The following ADCY5 variants were observed in gnomAD, a reference collection of about 807,000 sequenced individuals.
ADCY5 encodes the protein adenylate cyclase 5.
ADCY5 carries 30 observed loss-of-function variants against 119.7 expected under a neutral mutation model. The ratio of observed to expected loss-of-function variants is 0.25; its 90% CI spans 0.19 to 0.34. The LOEUF is 0.34. Ranked by LOEUF, ADCY5 falls within the 10% of genes least tolerant of loss-of-function variation. The pLI, the probability that ADCY5 is intolerant of heterozygous loss-of-function variation, is 1.00. For missense variants in ADCY5, 1,324 were observed against 1,775.2 expected (o/e 0.75, Z 4.57); for synonymous variants, 753 against 762.2 (o/e 0.99, Z 0.20).
At position 123,325,429 on chromosome 3, in the gene ADCY5, G is replaced by A. The variant is rs776923185; in HGVS notation, c.1981C>T (p.Arg661Cys). ...EEKAMIAKMN[R>C]QRTNSIGHNP... Reference sequence around the variant, plus strand: ...TGCCCGATGGAGTTGGTTCTCTGGCGGTTCATCTTGGCGATCATGGCCTTC... The same window carrying A: ...TGCCCGATGGAGTTGGTTCTCTGGCAGTTCATCTTGGCGATCATGGCCTTC... The change falls in exon 8 of 21, where the codon CGC (arginine) becomes TGC (cysteine). Residue 661 changes from arginine to cysteine, a missense_variant. Transcript: ENST00000462833. 1.5e-5 allele frequency: 24 copies of A among 1,614,018 alleles called. No homozygotes were observed. In the Admixed American group the frequency reaches 1.8e-4, roughly 12 times the overall value.
chr3:123,431,103 C>T (rs1199529128), intron 1 of ADCY5, among the ~76,000 whole-genome samples: 1 of 152,196 alleles, frequency 6.6e-6, no homozygotes, highest in African/African-American at 2.4e-5. Flanking sequence ...AGAAAAAGTA[C>T]TAGTGCCGGA....
intron 1 of ADCY5, among the ~76,000 whole-genome samples, chr3:123,425,106 G>T (rs1293955826): frequency 1.3e-5 from 1 of 76,984 alleles, no homozygotes; most frequent in Non-Finnish European, 2.6e-5. Context: ...TGCAGAGAGG[G>T]GCCCATCCTG....
rs1938770253 is a variant in ADCY5, at chr3:123,286,465, G to C, written c.3657+220C>G. Among the ~76,000 whole-genome samples the C allele has an allele frequency of 6.6e-6, 1 of 152,206 alleles. No homozygotes were observed. Among genetic ancestry groups the C allele is most frequent in the Admixed American group, 6.5e-5 (1 of 15,292 alleles). On this transcript the variant is annotated intron_variant, in intron 20 of 20. Coordinates refer to ENST00000462833, the MANE Select transcript of ADCY5 (RefSeq NM_183357.3). This position sits in a 1 kb window ranked among gnomAD's most constrained non-coding sequence, Gnocchi z 4.2. ...CCAGTCCCTTCCATGCCCAGTAGAG[G>C]GCTCTGCAGAAGCCTGAAGATCTGT...
intron 12 of ADCY5, among the ~76,000 whole-genome samples, chr3:123,308,831 A>AAACAAACAAAT (rs1553722485): frequency 6.6e-6 from 1 of 151,034 alleles, no homozygotes; most frequent in African/African-American, 2.4e-5. Flanking sequence ...TCTGTCTCAA[A>AAACAAACAAAT]AACAAACAAA....
intron 1 of ADCY5, among the ~76,000 whole-genome samples, chr3:123,392,117 T>A (rs959492796): frequency 4.6e-5 from 7 of 152,242 alleles, no homozygotes; most frequent in Non-Finnish European, 1.0e-4. Flanking sequence ...AAAAATCCAC[T>A]ACTGTTGTGG....
chr3:123,320,751 G>C lies in ADCY5; in HGVS notation c.2109C>G (p.Asp703Glu), dbSNP rs368664857. The change falls in exon 9 of 21, where the codon GAC (aspartate) becomes GAG (glutamate). Residue 703 changes from aspartate (D) to glutamate (E), a missense_variant and splice_region_variant. Coordinates refer to ENST00000462833, the MANE Select transcript of ADCY5 (RefSeq NM_183357.3). ...MKRMGFEDPK[D>E]KNAQESANPE... ...ATAAGGAAGGGCATATTACTCACTT[G>C]TCCTTGGGGTCTTCAAAGCCCTAGA... The C allele has an allele frequency of 1.2e-5, 19 of 1,611,152 alleles. No individual in the cohort carries two copies. Among genetic ancestry groups the C allele is most frequent in the Non-Finnish European group, 1.6e-5 (19 of 1,177,486 alleles).
chr3:123,367,756 C>T, intron 1 of ADCY5: 1 of 1,202,664 alleles, frequency 8.3e-7, no homozygotes, highest in Non-Finnish European at 1.1e-6. Flanking sequence ...CTCGTGCCTT[C>T]CCCCATCCCC....
At chr3:123,335,249 C>T (rs1941964672) in intron 3 of ADCY5, among the ~76,000 whole-genome samples, 1 of 152,170 alleles carries the variant, frequency 6.6e-6, no homozygotes. Flanking sequence ...GCCCTGCTCC[C>T]TCGGCCTCCT....
chr3:123,289,684 G>A, intron 19 of ADCY5, 66 bp downstream of exon 19: 1 of 1,567,922 alleles, frequency 6.4e-7, no homozygotes, highest in Admixed American at 1.7e-5. Flanking sequence ...TGGGGTATGG[G>A]GGAGCCCCTG....
intron 2 of ADCY5, among the ~76,000 whole-genome samples, chr3:123,351,574 T>C (rs56975164): frequency 0.18 from 27,846 of 152,122 alleles, 2,942 homozygotes; most frequent in Middle Eastern, 0.25. Flanking sequence ...TCACAGGAGC[T>C]AGTGGGAGCC....
intron 1 of ADCY5, among the ~76,000 whole-genome samples, chr3:123,356,106 T>C (rs1245221170): frequency 1.3e-5 from 2 of 152,180 alleles, no homozygotes; most frequent in Non-Finnish European, 2.9e-5. Flanking sequence ...TGCAAAAGAA[T>C]GAAGCTGGAC....
At position 123,283,789 on chromosome 3, in the gene ADCY5, CTG is replaced by C. The variant is rs1173330169; in HGVS notation, c.*817_*818del. On this transcript the variant is annotated 3_prime_UTR_variant, in exon 21 of 21. Transcript: ENST00000462833. The stretch of plus-strand genomic sequence containing the variant: ...AAAATATAGAATTTGGCATATCTAT[CTG>C]TGAGATCTCCAAGGCTTTCAATAAT... 2.0e-5 allele frequency: 3 copies of C among 151,768 alleles called. No homozygotes were observed. Among genetic ancestry groups the C allele is most frequent in the African/African-American group, 7.3e-5 (3 of 41,040 alleles). The allele number at this position is 151,768 out of a possible 1,614,324, so 9.4% of individuals were successfully genotyped here.
intron 3 of ADCY5, among the ~76,000 whole-genome samples, chr3:123,333,307 C>A (rs532137849): frequency 6.6e-6 from 1 of 152,344 alleles, no homozygotes; most frequent in South Asian, 2.1e-4. Flanking sequence ...CCTCCAGAAC[C>A]GTGAGAAATA....
chr3:123,448,793 C>T lies in ADCY5; in HGVS notation c.-248G>A. On this transcript the variant is annotated 5_prime_UTR_variant, in exon 1 of 21. Coordinates refer to ENST00000462833, the MANE Select transcript of ADCY5 (RefSeq NM_183357.3). ...CCCAGGTCCGAAATGGAGTTGCCTC[C>T]GAGGTGGGGTCGCAGGGACTGGTCT... The T allele has an allele frequency of 2.6e-6, 1 of 381,806 alleles. No individual in the cohort carries two copies. The highest frequency in any genetic ancestry group is 4.6e-6 in the Non-Finnish European group (1 of 216,144). 23.7% of individuals were successfully genotyped at this position (381,806 alleles called of 1,614,324 possible).
intron 1 of ADCY5, among the ~76,000 whole-genome samples, chr3:123,378,269 T>A (rs146365606): frequency 6.6e-6 from 1 of 152,124 alleles, no homozygotes; most frequent in East Asian, 1.9e-4. Context: ...GGGTCTAGTG[T>A]CCAGGATCAC....
intron 2 of ADCY5, among the ~76,000 whole-genome samples, chr3:123,351,670 C>T (rs7613951): frequency 0.18 from 27,995 of 152,206 alleles, 2,894 homozygotes; most frequent in Admixed American, 0.26. Context: ...CTCAGAGTCA[C>T]CAGACCCCTA....
At chr3:123,396,067 AGG>A (rs1491098972) in intron 1 of ADCY5, among the ~76,000 whole-genome samples, 492 of 36,506 alleles carry the variant, frequency 0.013, no homozygotes, top group Non-Finnish European at 0.017. Context: ...GGAGGGTGGG[AGG>A]GAGAGGGAGG....
intron 8 of ADCY5, among the ~76,000 whole-genome samples, chr3:123,324,586 G>A (rs1439876767): frequency 1.3e-5 from 2 of 152,180 alleles, no homozygotes; most frequent in Admixed American, 6.5e-5. Context: ...CAGACAGTAG[G>A]AGAGGAAACA....
intron 11 of ADCY5, among the ~76,000 whole-genome samples, chr3:123,316,768 T>C (rs150005499): frequency 6.6e-6 from 1 of 152,256 alleles, no homozygotes; most frequent in African/African-American, 2.4e-5. Flanking sequence ...AGTAGGGATT[T>C]GATGTTAATT....
Sources: gnomAD v4.1 joint callset for allele counts (sites outside exome capture counted in the v4.1 genomes callset) on GRCh38, gnomAD v4.1.1 for gene constraint, Gnocchi (gnomAD v3.1) non-coding constraint, MANE v1.5 for transcripts, NCBI Gene and HGNC (gene_info 2026-07-23, HGNC 2026-07-21) for gene names.